TUBA1C: variants seen among roughly 807,000 people sequenced by gnomAD.
TUBA1C encodes the protein tubulin alpha 1c, also known as tubulin alpha-1C chain.
Under a neutral mutation model 34.9 loss-of-function variants are expected in TUBA1C, and 16 were observed. That is an observed-to-expected ratio of 0.46 (90% CI 0.31 to 0.70). The LOEUF (loss-of-function observed/expected upper bound fraction) is 0.70. TUBA1C is among the 30% of genes least tolerant of loss of function. TUBA1C has a pLI of 0.05. For synonymous variants in TUBA1C, 177 were observed against 215.9 expected, an observed-to-expected ratio of 0.82 and a Z score of 1.58; for missense variants, 329 against 587.3, an observed-to-expected ratio of 0.56 and a Z score of 4.55.
chr12:49,228,928 G>T (rs753443645), intron 1 of TUBA1C, among the ~76,000 whole-genome samples: 1 of 152,194 alleles, frequency 6.6e-6, no homozygotes, highest in Non-Finnish European at 1.5e-5. Context: ...CCAGCCCAAG[G>T]TTACAGAGAA....
chr12:49,247,872 C>T (rs1194426907), intron 1 of TUBA1C, among the ~76,000 whole-genome samples: 6 of 142,888 alleles, frequency 4.2e-5, no homozygotes, highest in Non-Finnish European at 1.5e-5. Context: ...TGCTTGACCG[C>T]AGGAGGCAGA....
chr12:49,234,439 C>T (rs1269512278), intron 1 of TUBA1C, among the ~76,000 whole-genome samples: 1 of 152,244 alleles, frequency 6.6e-6, no homozygotes, highest in Non-Finnish European at 1.5e-5. Context: ...AGTAGGCTTC[C>T]AGGTTTCTCT....
upstream of TUBA1C, among the ~76,000 whole-genome samples, chr12:49,262,750 A>C (rs1280405551): frequency 6.6e-6 from 1 of 152,124 alleles, no homozygotes; most frequent in Non-Finnish European, 1.5e-5. Context: ...ATTGCACTCC[A>C]GCCTGGGCAA....
At chr12:49,253,289 G>A (rs1942749543) in intron 1 of TUBA1C, among the ~76,000 whole-genome samples, 1 of 152,114 alleles carries the variant, frequency 6.6e-6, no homozygotes, top group Non-Finnish European at 1.5e-5. Context: ...GTTTTGCTAA[G>A]TGAGCACAAA....
chr12:49,237,430 A>T (rs571723633), intron 1 of TUBA1C, among the ~76,000 whole-genome samples: 1 of 150,782 alleles, frequency 6.6e-6, no homozygotes, highest in South Asian at 2.1e-4. Context: ...AAAAAAAGGA[A>T]AAAAGAAAAA....
rs371959264 is a variant in TUBA1C at position 49,272,203 on chromosome 12, C to T, written c.376-50C>T. 17 of 1,551,776 alleles carry T rather than the reference C, an allele frequency of 1.1e-5. No individual in the cohort carries two copies. The African/African-American group carries it at 2.3e-4, about 21-fold the overall frequency. On this transcript the variant is annotated intron_variant, in intron 3 of 3. Coordinates refer to ENST00000301072, the MANE Select transcript of TUBA1C (RefSeq NM_032704.5). Reference sequence around the variant, plus strand: ...CTCTGTAGGTTTCACCAAATGTGAACACTAAATGAAACTTTCGCAACACTA... The same window carrying T: ...CTCTGTAGGTTTCACCAAATGTGAATACTAAATGAAACTTTCGCAACACTA...
At position 49,270,157 on chromosome 12, in the gene TUBA1C, G is replaced by C. The variant is rs1942972382; in HGVS notation, c.375+181G>C. 4 of 1,302,074 alleles carry C rather than the reference G, an allele frequency of 3.1e-6. No individual in the cohort carries two copies. The South Asian group carries it at 5.0e-5, about 16-fold the overall frequency. 80.7% of individuals were successfully genotyped at this position (1,302,074 alleles called of 1,614,324 possible). On this transcript the variant is annotated intron_variant, in intron 3 of 3. Coordinates refer to ENST00000301072, the MANE Select transcript of TUBA1C (RefSeq NM_032704.5). The stretch of plus-strand genomic sequence containing the variant: ...ATCTTGGATTTATGGGACAACTATG[G>C]GGTAGAAGTAAGTGCTCTTTAGCCT...
chr12:49,246,547 C>T (rs1038618876), intron 1 of TUBA1C, among the ~76,000 whole-genome samples: 1 of 151,808 alleles, frequency 6.6e-6, no homozygotes, highest in Non-Finnish European at 1.5e-5. Flanking sequence ...TGGTGGCGGG[C>T]GCCTATAGTC....
At chr12:49,253,213 C>G (rs1196781603) in intron 1 of TUBA1C, among the ~76,000 whole-genome samples, 3 of 151,862 alleles carry the variant, frequency 2.0e-5, no homozygotes, top group Admixed American at 6.6e-5. Context: ...AAATGGAACT[C>G]TCGGCATACC....
At chr12:49,266,416 C>G (rs1942913352) in intron 1 of TUBA1C, among the ~76,000 whole-genome samples, 1 of 151,092 alleles carries the variant, frequency 6.6e-6, no homozygotes, top group Admixed American at 6.6e-5. Flanking sequence ...GGCGACAGAG[C>G]AAGACTCCGT....
chr12:49,234,083 A>G (rs1362208340), intron 1 of TUBA1C: 1 of 152,344 alleles, frequency 6.6e-6, no homozygotes, highest in African/African-American at 2.4e-5. Context: ...AAATGGGTGC[A>G]GAGAAAAGGG....
intron 1 of TUBA1C, among the ~76,000 whole-genome samples, chr12:49,259,344 G>T (rs1013976136): frequency 6.6e-6 from 1 of 151,922 alleles, no homozygotes; most frequent in African/African-American, 2.4e-5. Context: ...CGATTCTTGA[G>T]CCTCAGCCTC....
At chr12:49,271,303 AC>A (rs919538145) in intron 3 of TUBA1C, among the ~76,000 whole-genome samples, 9 of 152,226 alleles carry the variant, frequency 5.9e-5, no homozygotes, top group African/African-American at 2.2e-4. Context: ...ACAACAGAAT[AC>A]TTTATTTGGA....
At chr12:49,254,650 G>C (rs1463570526) in intron 1 of TUBA1C, among the ~76,000 whole-genome samples, 2 of 152,074 alleles carry the variant, frequency 1.3e-5, no homozygotes, top group East Asian at 3.8e-4. Context: ...TTACCAGTTT[G>C]GAACTCTGGG....
intron 3 of TUBA1C, chr12:49,270,220 CT>C: frequency 1.4e-6 from 1 of 696,214 alleles, no homozygotes; most frequent in Non-Finnish European, 2.4e-6. Flanking sequence ...TTGAGGTCAT[CT>C]TAGTCATACT....
intron 1 of TUBA1C, chr12:49,233,635 G>A (rs1942519802): frequency 6.6e-6 from 1 of 152,264 alleles, no homozygotes; most frequent in South Asian, 2.1e-4. Flanking sequence ...ATGGGAGATG[G>A]GAATTTTGAT....
At chr12:49,230,775 G>A (rs776612200) in intron 1 of TUBA1C, among the ~76,000 whole-genome samples, 1 of 152,216 alleles carries the variant, frequency 6.6e-6, no homozygotes, top group South Asian at 2.1e-4. Flanking sequence ...GAGCTATGGA[G>A]GTCATCATGA....
At chr12:49,257,149 C>CA (rs199657602) in intron 1 of TUBA1C, among the ~76,000 whole-genome samples, 5,265 of 92,272 alleles carry the variant, frequency 0.057, 129 homozygotes, top group East Asian at 0.15. Flanking sequence ...CACTCCATCT[C>CA]AAAAAAAAAA....
Position 49,272,360 on chromosome 12 carries a change from T to C in TUBA1C, c.483T>C (p.Tyr161=). 6.2e-7 allele frequency: 1 copy of C among 1,614,144 alleles called. No homozygotes were observed. The highest frequency in any genetic ancestry group is 8.5e-7 in the Non-Finnish European group (1 of 1,180,014). ...SLLMERLSVD[Y]GKKSKLEFSI... ...TCATGGAACGTCTCTCAGTTGATTA[T>C]GGCAAGAAGTCCAAGCTGGAGTTCT... The change falls in exon 4 of 4, where the codon TAT becomes TAC. Residue 161 remains tyrosine (Y), a synonymous_variant. Transcript: ENST00000301072.
Sources: gnomAD v4.1 joint callset for allele counts (sites outside exome capture counted in the v4.1 genomes callset) on GRCh38, gnomAD v4.1.1 for gene constraint, MANE v1.5 for transcripts, NCBI Gene and HGNC (gene_info 2026-07-23, HGNC 2026-07-21) for gene names.